The following HFM1 variants were observed in gnomAD, a reference collection of about 807,000 sequenced individuals.
The protein encoded by HFM1 is probable ATP-dependent DNA helicase HFM1.
HFM1 carries 169 observed loss-of-function variants against 192.1 expected under a neutral mutation model. The ratio of observed to expected loss-of-function variants is 0.88; its 90% CI spans 0.78 to 1.00. The LOEUF (loss-of-function observed/expected upper bound fraction) is 1.00. Ranked by LOEUF, HFM1 falls within the 50% of genes least tolerant of loss-of-function variation. HFM1 has a pLI of 0.00. For synonymous variants in HFM1, 525 were observed against 537.8 expected (o/e 0.98, Z 0.33); for missense variants, 1,661 against 1,668.0 (o/e 1.00, Z 0.07).
At chr1:91,369,469 G>A (rs1659864588) in intron 13 of HFM1, among the ~76,000 whole-genome samples, 1 of 152,092 alleles carries the variant, frequency 6.6e-6, no homozygotes, top group Non-Finnish European at 1.5e-5. Context: ...TCAACTACAT[G>A]GAAACTGAAC....
intron 20 of HFM1, among the ~76,000 whole-genome samples, chr1:91,329,828 G>A (rs1366244292): frequency 1.3e-5 from 2 of 152,190 alleles, no homozygotes; most frequent in South Asian, 2.1e-4. Flanking sequence ...GGAGAAGAGA[G>A]AGGGAGATAA....
chr1:91,333,475 G>C (rs1038835590), intron 20 of HFM1, among the ~76,000 whole-genome samples: 1 of 151,898 alleles, frequency 6.6e-6, no homozygotes, highest in Admixed American at 6.6e-5. Context: ...GGAGGGTGGA[G>C]GGGAGTTTGG....
At chr1:91,385,112 A>T in intron 6 of HFM1, 75 bp downstream of exon 6, 1 of 923,692 alleles carries the variant, frequency 1.1e-6, no homozygotes, top group South Asian at 1.6e-5. Context: ...AAATAAACAA[A>T]CACAATTAAA....
At chr1:91,311,835 G>C (rs1650507060) in intron 30 of HFM1, among the ~76,000 whole-genome samples, 1 of 152,178 alleles carries the variant, frequency 6.6e-6, no homozygotes, top group Non-Finnish European at 1.5e-5. Flanking sequence ...TGGAGGCCCA[G>C]GAGGAAAAAG....
chr1:91,313,505 GA>G lies in HFM1; in HGVS notation c.3245-11del, dbSNP rs764122485. On this transcript the variant is annotated splice_polypyrimidine_tract_variant and intron_variant, in intron 29 of 38. Coordinates refer to ENST00000370425, the MANE Select transcript of HFM1 (RefSeq NM_001017975.6). Reference sequence around the variant, plus strand: ...TGAATATCAAGCCCAACTGGAAAATGAAAAAAAAGTACACAAATGTTTATTT... The same window carrying G: ...TGAATATCAAGCCCAACTGGAAAATGAAAAAAAGTACACAAATGTTTATTT... The G allele has an allele frequency of 5.9e-5, 90 of 1,536,682 alleles. No individual in the cohort carries two copies. The highest frequency in any genetic ancestry group is 1.9e-4 in the Admixed American group (9 of 48,006).
chr1:91,359,568 A>G (rs74798514), intron 13 of HFM1, among the ~76,000 whole-genome samples: 1 of 133,100 alleles, frequency 7.5e-6, no homozygotes, highest in Non-Finnish European at 1.6e-5. Flanking sequence ...AAAAAAAAAA[A>G]GGAAGAAGAA....
intron 2 of HFM1, 60 bp from the exon 3 acceptor site, chr1:91,396,465 T>C (rs1663670766): frequency 2.3e-6 from 2 of 860,222 alleles, no homozygotes; most frequent in Non-Finnish European, 1.8e-6. Flanking sequence ...TGAGAAGCTA[T>C]GTGTTTATTA....
At chr1:91,328,824 T>A in intron 20 of HFM1, 1 of 1,611,418 alleles carries the variant, frequency 6.2e-7, no homozygotes. Flanking sequence ...CTGAGCCTCA[T>A]GGGCATCCCT....
intron 30 of HFM1, among the ~76,000 whole-genome samples, chr1:91,311,621 A>C (rs1445722142): frequency 4.9e-5 from 7 of 143,456 alleles, no homozygotes; most frequent in Non-Finnish European, 9.4e-5. Flanking sequence ...GTGAGACTCC[A>C]TCTCAAAAAA....
intron 21 of HFM1, among the ~76,000 whole-genome samples, chr1:91,324,070 T>C (rs558619875): frequency 6.6e-6 from 1 of 152,362 alleles, no homozygotes; most frequent in East Asian, 1.9e-4. Context: ...GCAGTCGCCA[T>C]ATACCAATGA....
chr1:91,402,710 G>A (rs1213695466), intron 1 of HFM1, among the ~76,000 whole-genome samples: 1 of 151,962 alleles, frequency 6.6e-6, no homozygotes, highest in Non-Finnish European at 1.5e-5. Flanking sequence ...TCCCTTTCTA[G>A]TTTTAGGAAA....
At chr1:91,372,695 T>A (rs1422586411) in intron 13 of HFM1, among the ~76,000 whole-genome samples, 1 of 152,226 alleles carries the variant, frequency 6.6e-6, no homozygotes, top group South Asian at 2.1e-4. Context: ...GTAACAAAAC[T>A]GCACGTTGTG....
In HFM1 at chr1:91,396,372, A is replaced by T; in HGVS notation, c.105T>A (p.Phe35Leu). 1 of 1,600,820 alleles carries T rather than the reference A, an allele frequency of 6.2e-7. No individual in the cohort carries two copies. Among genetic ancestry groups the T allele is most frequent in the Admixed American group, 1.7e-5 (1 of 59,448 alleles). Reference sequence around the variant, plus strand: ...CTGAAATCAATGGAGCAGGAGGGAGAAACCAATCCAATGACTTTTCATTGT... The same window carrying T: ...CTGAAATCAATGGAGCAGGAGGGAGTAACCAATCCAATGACTTTTCATTGT... ...HPDNEKSLDW[F>L]LPPAPLISEI... Residue 35 changes from phenylalanine (F) to leucine (L), a missense_variant, in exon 3 of 39, where the codon TTT becomes TTA. Phe to Leu is a conservative substitution (Grantham distance 22, BLOSUM62 0). Transcript: ENST00000370425.
chr1:91,264,766 T>A (rs1665588868), intron 36 of HFM1, among the ~76,000 whole-genome samples: 1 of 152,164 alleles, frequency 6.6e-6, no homozygotes, highest in South Asian at 2.1e-4. Flanking sequence ...ATTTTGGCTT[T>A]GGCCATCATT....
chr1:91,306,809 G>A (rs1346802796), intron 30 of HFM1, among the ~76,000 whole-genome samples: 1 of 151,964 alleles, frequency 6.6e-6, no homozygotes, highest in African/African-American at 2.4e-5. Context: ...AGTCATCCAT[G>A]CCTCAAGTTT....
intron 21 of HFM1, 128 bp from the exon 22 acceptor site, chr1:91,323,327 T>G (rs992500238): frequency 1.6e-6 from 1 of 608,426 alleles, no homozygotes; most frequent in Non-Finnish European, 2.8e-6. Flanking sequence ...CATAACAGAG[T>G]TAAAAACCTG....
At chr1:91,368,849 A>G (rs1416416317) in intron 13 of HFM1, among the ~76,000 whole-genome samples, 1 of 152,190 alleles carries the variant, frequency 6.6e-6, no homozygotes, top group Non-Finnish European at 1.5e-5. Context: ...GTATTCAGGA[A>G]ACCCATCTCA....
rs760514872 is a variant in HFM1 at position 91,378,462 on chromosome 1, T to A, written c.1177A>T (p.Thr393Ser). 1 of 1,602,082 alleles carries A rather than the reference T, an allele frequency of 6.2e-7. No individual in the cohort carries two copies. Among genetic ancestry groups the A allele is most frequent in the Non-Finnish European group, 8.5e-7 (1 of 1,171,356 alleles). The change falls in exon 10 of 39, where the codon ACT (threonine) becomes TCT (serine). Residue 393 changes from threonine to serine, a missense_variant. Physicochemically the swap from Thr to Ser is moderately conservative, Grantham distance 58. Transcript: ENST00000370425. ...MTTPEKWDSM[T>S]RKWRDNSLVQ... ...AAAGAGTTGTCTCTCCATTTCCTAG[T>A]CATGCTATCCCATTTTTCCTAGAGA...
intron 30 of HFM1, among the ~76,000 whole-genome samples, chr1:91,293,931 C>T (rs538367561): frequency 0.018 from 2,706 of 150,590 alleles, 38 homozygotes; most frequent in Non-Finnish European, 0.029. Context: ...TCATCATTCT[C>T]AGCAAACTAT....
Sources: allele counts gnomAD v4.1 joint callset (sites outside exome capture counted in the v4.1 genomes callset), GRCh38; gene constraint gnomAD v4.1.1; transcripts MANE v1.5; gene names NCBI Gene and HGNC (gene_info 2026-07-23, HGNC 2026-07-21).